The following PRR5L variants were observed in gnomAD, a reference collection of about 807,000 sequenced individuals.
The protein encoded by PRR5L is proline rich 5 like, also known as proline-rich protein 5-like.
PRR5L carries 21 observed loss-of-function variants against 36.4 expected under a neutral mutation model. The observed-to-expected ratio is 0.58, with a 90% CI of 0.41 to 0.83. The LOEUF (loss-of-function observed/expected upper bound fraction) is 0.83, where lower values mean the gene tolerates loss of function less well. Ranked by LOEUF, PRR5L falls within the 40% of genes least tolerant of loss-of-function variation. The pLI is 0.00. For missense variants in PRR5L, 381 were observed against 473.3 expected (o/e 0.80, Z 1.81); for synonymous variants, 188 against 197.0 (o/e 0.95, Z 0.38).
In PRR5L at chr11:36,415,480, A is replaced by G. The variant is rs551612646; in HGVS notation, c.246-3775A>G. Among the ~76,000 whole-genome samples the G allele has an allele frequency of 4.6e-5, 7 of 152,384 alleles. No homozygotes were observed. The South Asian group carries it at 1.0e-3, about 23-fold the overall frequency. On this transcript the variant is annotated intron_variant, in intron 3 of 8. Coordinates refer to ENST00000530639, the MANE Select transcript of PRR5L (RefSeq NM_001160167.2). ...ATCTGTGGGCCAGGCACAGTGGCTCATGCCTGTAATCCTAGCACTTTGGGA... is the reference window on the plus strand; with the variant it reads ...ATCTGTGGGCCAGGCACAGTGGCTCGTGCCTGTAATCCTAGCACTTTGGGA...
chr11:36,447,367 T>C (rs765599463), intron 7 of PRR5L, among the ~76,000 whole-genome samples: 4 of 152,204 alleles, frequency 2.6e-5, no homozygotes, highest in Non-Finnish European at 5.9e-5. Context: ...TGGTCCAGCT[T>C]GGGCTAGATG....
At chr11:36,375,967 C>T (rs527748823) in intron 1 of PRR5L, 2 of 388,802 alleles carry the variant, frequency 5.1e-6, no homozygotes, top group South Asian at 2.0e-5. Context: ...TTTAAGTGAG[C>T]CCCAGAATCA....
intron 1 of PRR5L, among the ~76,000 whole-genome samples, chr11:36,310,864 G>A (rs995705720): frequency 6.6e-6 from 1 of 151,998 alleles, no homozygotes; most frequent in Non-Finnish European, 1.5e-5. Flanking sequence ...TGGCATGGTG[G>A]CGTGTGCCTG....
intron 5 of PRR5L, among the ~76,000 whole-genome samples, chr11:36,436,722 A>G (rs892670801): frequency 7.9e-5 from 12 of 152,246 alleles, no homozygotes; most frequent in Admixed American, 2.6e-4. Flanking sequence ...AAGATTGGCC[A>G]AGAGCATGGG....
At chr11:36,360,060 C>T (rs59497512) in intron 1 of PRR5L, among the ~76,000 whole-genome samples, 1 of 96,248 alleles carries the variant, frequency 1.0e-5, no homozygotes, top group African/African-American at 4.5e-5. Flanking sequence ...CACACACACA[C>T]ACATACACAC....
chr11:36,411,833 C>G (rs1858034036), intron 3 of PRR5L, among the ~76,000 whole-genome samples: 1 of 152,130 alleles, frequency 6.6e-6, no homozygotes, highest in African/African-American at 2.4e-5. Context: ...TGAATTTCTC[C>G]TGGGTCCTCA....
chr11:36,358,553 T>A (rs1162681406), intron 1 of PRR5L, among the ~76,000 whole-genome samples: 1 of 152,250 alleles, frequency 6.6e-6, no homozygotes, highest in Non-Finnish European at 1.5e-5. Flanking sequence ...AGTATAAGCA[T>A]AACTTTTATA....
intron 7 of PRR5L, among the ~76,000 whole-genome samples, chr11:36,450,422 C>G (rs1357929152): frequency 6.6e-6 from 1 of 152,190 alleles, no homozygotes; most frequent in Non-Finnish European, 1.5e-5. Flanking sequence ...TGAGTCCTTT[C>G]CAGCAAGAAG....
At chr11:36,332,634 T>A (rs1590450139) in intron 1 of PRR5L, among the ~76,000 whole-genome samples, 1 of 151,520 alleles carries the variant, frequency 6.6e-6, no homozygotes, top group Non-Finnish European at 1.5e-5. Context: ...TGGTGGGAGG[T>A]GTTTTGGTCA....
intron 4 of PRR5L, among the ~76,000 whole-genome samples, chr11:36,431,319 T>C (rs1216330837): frequency 2.0e-5 from 3 of 152,208 alleles, no homozygotes; most frequent in Non-Finnish European, 4.4e-5. Flanking sequence ...CAATTGTTAG[T>C]TGCAGTTGCA....
In PRR5L at chr11:36,324,246, T is replaced by C. The variant is rs1356292573; in HGVS notation, c.-126+27808T>C. On this transcript the variant is annotated intron_variant, in intron 1 of 8. Coordinates refer to ENST00000530639, the MANE Select transcript of PRR5L (RefSeq NM_001160167.2). ...TGGATCACTAGAACACACAAGAATA[T>C]AGATGAATTACAAACACTGTGCTGT... Among the ~76,000 whole-genome samples, 4 of 152,148 alleles carry C rather than the reference T, an allele frequency of 2.6e-5. No homozygotes were observed. In the South Asian group the frequency reaches 6.2e-4, roughly 24 times the overall value.
chr11:36,413,511 G>A (rs1424905815), intron 3 of PRR5L, among the ~76,000 whole-genome samples: 1 of 152,066 alleles, frequency 6.6e-6, no homozygotes, highest in Non-Finnish European at 1.5e-5. Context: ...TACGCATATA[G>A]CAAGGGTATA....
intron 1 of PRR5L, among the ~76,000 whole-genome samples, chr11:36,389,416 G>A (rs778553533): frequency 3.3e-5 from 5 of 152,156 alleles, no homozygotes; most frequent in African/African-American, 7.2e-5. Flanking sequence ...GGGCGAGGCC[G>A]TGATCTAGGT....
Position 36,448,878 on chromosome 11 carries a change from TAA to T in PRR5L, c.586-2330_586-2329del, listed in dbSNP as rs1858888648. On this transcript the variant is annotated intron_variant, in intron 7 of 8. Transcript: ENST00000530639. Reference sequence around the variant, plus strand: ...TTCTCAAGGTCTTGTACTCATTTATTAAGAGAGCTGGATTGCTCCCCATCCCT... The same window carrying T: ...TTCTCAAGGTCTTGTACTCATTTATTGAGAGCTGGATTGCTCCCCATCCCT... 3.7e-5 allele frequency among the ~76,000 whole-genome samples: 5 copies of T among 135,790 alleles called. No homozygotes were observed. The South Asian group carries it at 1.0e-3, about 28-fold the overall frequency. 89.1% of individuals were successfully genotyped at this position (135,790 alleles called of 152,430 possible). A position where few individuals can be genotyped will look rare whatever the true frequency, so the allele number is the denominator to read the frequency against.
intron 1 of PRR5L, among the ~76,000 whole-genome samples, chr11:36,319,410 CGG>C (rs1856590947): frequency 6.6e-6 from 1 of 152,230 alleles, no homozygotes; most frequent in South Asian, 2.1e-4. Context: ...CTTGATCTAG[CGG>C]CACCTGACTT....
At chr11:36,436,447 G>A (rs1858607584) in intron 5 of PRR5L, among the ~76,000 whole-genome samples, 1 of 152,328 alleles carries the variant, frequency 6.6e-6, no homozygotes, top group Non-Finnish European at 1.5e-5. Flanking sequence ...TCTCCAGCCT[G>A]GGGTAGCAGG....
intron 1 of PRR5L, among the ~76,000 whole-genome samples, chr11:36,330,352 T>A (rs1856706215): frequency 6.6e-6 from 1 of 152,200 alleles, no homozygotes; most frequent in South Asian, 2.1e-4. Flanking sequence ...ATTCATTTAG[T>A]CCTATGCAAT....
chr11:36,332,219 C>A (rs188304503), intron 1 of PRR5L, among the ~76,000 whole-genome samples: 107 of 152,118 alleles, frequency 7.0e-4, no homozygotes, highest in African/African-American at 2.3e-3. Context: ...ACAAAAAAAA[C>A]CCATGAATGC....
At chr11:36,456,624 G>A (rs1859063429) in intron 8 of PRR5L, among the ~76,000 whole-genome samples, 1 of 152,210 alleles carries the variant, frequency 6.6e-6, no homozygotes, top group Non-Finnish European at 1.5e-5. Flanking sequence ...TCAGCTCTGG[G>A]TTTGAGTCCT....
Sources: allele counts gnomAD v4.1 joint callset (sites outside exome capture counted in the v4.1 genomes callset), GRCh38; gene constraint gnomAD v4.1.1; transcripts MANE v1.5; gene names NCBI Gene and HGNC (gene_info 2026-07-23, HGNC 2026-07-21).